The following RBFOX1 variants were observed in gnomAD, a reference collection of about 807,000 sequenced individuals.
RBFOX1 encodes the protein RNA binding fox-1 homolog 1, also known as RNA binding protein fox-1 homolog 1.
RBFOX1 carries 8 observed loss-of-function variants against 57.7 expected under a neutral mutation model. That is an observed-to-expected ratio of 0.14 (90% CI 0.08 to 0.25). The LOEUF is 0.25. RBFOX1 is among the 10% of genes least tolerant of loss of function. The probability of loss-of-function intolerance (pLI) is 1.00; values close to 1 mark genes in which losing one functional copy is unlikely to be tolerated. For missense variants in RBFOX1, 611 were observed against 548.5 expected (o/e 1.11, Z -1.14); for synonymous variants, 326 against 222.4 (o/e 1.47, Z -4.15).
intron 5 of RBFOX1, among the ~76,000 whole-genome samples, chr16:7,532,582 A>G (rs1466117033): frequency 6.6e-6 from 1 of 152,128 alleles, no homozygotes; most frequent in Non-Finnish European, 1.5e-5. Context: ...TGGGGCCCAG[A>G]GCCCCTTAGC....
chr16:6,587,848 C>T lies in RBFOX1; in HGVS notation c.-63-66755C>T, dbSNP rs114798670. On this transcript the variant is annotated intron_variant, in intron 2 of 15. Coordinates refer to ENST00000550418, the MANE Select transcript of RBFOX1 (RefSeq NM_018723.4). ...ACATTTACTTTCTCTTTCTACCCTC[C>T]GTCTTCCCATATATATTGGACAATT... is the stretch of plus-strand genomic sequence containing the variant. 4.0e-3 allele frequency among the ~76,000 whole-genome samples: 616 copies of T among 152,268 alleles called. 4 individuals carry two copies. The highest frequency in any genetic ancestry group is 0.014 in the African/African-American group (579 of 41,548).
intron 4 of RBFOX1, among the ~76,000 whole-genome samples, chr16:7,121,524 C>A (rs1009935106): frequency 6.6e-6 from 1 of 151,922 alleles, no homozygotes; most frequent in Non-Finnish European, 1.5e-5. Flanking sequence ...TATAAGAGAT[C>A]TTTATGCTGA....
chr16:7,599,877 T>C (rs1287547433), intron 9 of RBFOX1, among the ~76,000 whole-genome samples: 1 of 151,816 alleles, frequency 6.6e-6, no homozygotes, highest in Non-Finnish European at 1.5e-5. Flanking sequence ...GCTCAAGTGA[T>C]GTGCCTGTCT....
At chr16:7,110,171 G>A (rs1033949511) in intron 4 of RBFOX1, among the ~76,000 whole-genome samples, 9 of 136,732 alleles carry the variant, frequency 6.6e-5, no homozygotes, top group African/African-American at 1.9e-4. Context: ...GCAACATAGC[G>A]AGACCCCCCG....
intron 3 of RBFOX1, among the ~76,000 whole-genome samples, chr16:5,800,707 T>G (rs973402439): frequency 2.6e-5 from 4 of 152,108 alleles, no homozygotes; most frequent in African/African-American, 7.2e-5. Flanking sequence ...CTGCAGTCAT[T>G]ATTACAGAGA....
At chr16:6,976,883 A>G (rs548251874) in intron 3 of RBFOX1, among the ~76,000 whole-genome samples, 1 of 136,184 alleles carries the variant, frequency 7.3e-6, no homozygotes, top group African/African-American at 2.7e-5. Context: ...TCATATCCAT[A>G]TCACATATAT....
rs868102822 is a variant in RBFOX1 at position 6,290,650 on chromosome 16, A to G, written c.-126-26345A>G. Reference sequence around the variant, plus strand: ...TGAATTTAGCACACATGGGCGAAAAAGGAAATTTTACGTATCAGGTGTTCA... The same window carrying G: ...TGAATTTAGCACACATGGGCGAAAAGGGAAATTTTACGTATCAGGTGTTCA... On this transcript the variant is annotated intron_variant, in intron 1 of 15. Transcript: ENST00000550418. Among the ~76,000 whole-genome samples, 8 of 152,204 alleles carry G rather than the reference A, an allele frequency of 5.3e-5. No individual in the cohort carries two copies. The South Asian group carries it at 1.7e-3, about 31-fold the overall frequency.
chr16:6,001,140 AGCT>A (rs1327295682), intron 4 of RBFOX1, among the ~76,000 whole-genome samples: 1 of 152,158 alleles, frequency 6.6e-6, no homozygotes, highest in African/African-American at 2.4e-5. Flanking sequence ...ATTACTGGTA[AGCT>A]GTTGTGAGCT....
rs187626551 is a variant in RBFOX1, at chr16:5,240,952, C to T, written c.219+847C>T. On this transcript the variant is annotated intron_variant, in intron 1 of 2. Transcript: ENST00000585867. The stretch of plus-strand genomic sequence containing the variant: ...GGAGAGCTGTACCCCTCAGTGAGGG[C>T]CGCCACCTTGATGGTTTTTGATGGA... 3.9e-3 allele frequency among the ~76,000 whole-genome samples: 592 copies of T among 152,346 alleles called. 6 individuals carry two copies. The highest frequency in any genetic ancestry group is 0.013 in the African/African-American group (557 of 41,574).
chr16:7,501,308 GCT>G (rs1192185716), intron 4 of RBFOX1, among the ~76,000 whole-genome samples: 1 of 152,170 alleles, frequency 6.6e-6, no homozygotes, highest in East Asian at 1.9e-4. Flanking sequence ...TAAATTATCA[GCT>G]CTCTCTCTGT....
chr16:5,244,241 A>C (rs899139582), intron 1 of RBFOX1, among the ~76,000 whole-genome samples: 3 of 152,230 alleles, frequency 2.0e-5, no homozygotes, highest in Non-Finnish European at 4.4e-5. Flanking sequence ...TACTTGGGCA[A>C]TATCTTTACA....
At chr16:7,575,110 T>G (rs1314015179) in intron 5 of RBFOX1, among the ~76,000 whole-genome samples, 11 of 152,054 alleles carry the variant, frequency 7.2e-5, no homozygotes. Context: ...CACAAAATCC[T>G]CCTGGATTTA....
chr16:7,630,733 C>A, intron 11 of RBFOX1, 50 bp downstream of exon 11: 1 of 1,609,602 alleles, frequency 6.2e-7, no homozygotes, highest in African/African-American at 1.3e-5. Context: ...AATCTGAGTC[C>A]AATCACCTTC....
chr16:6,712,577 T>C (rs2154152980), intron 3 of RBFOX1, among the ~76,000 whole-genome samples: 1 of 152,280 alleles, frequency 6.6e-6, no homozygotes, highest in South Asian at 2.1e-4. Context: ...TTCAGTCCAA[T>C]GTCATCCATG....
intron 4 of RBFOX1, among the ~76,000 whole-genome samples, chr16:7,162,089 G>C (rs916193042): frequency 3.3e-5 from 5 of 152,214 alleles, no homozygotes; most frequent in Non-Finnish European, 5.9e-5. Flanking sequence ...TCACAAGGGA[G>C]TTGGTGTCTT....
At chr16:5,440,105 T>G (rs574534950) in intron 1 of RBFOX1, among the ~76,000 whole-genome samples, 1 of 152,318 alleles carries the variant, frequency 6.6e-6, no homozygotes, top group South Asian at 2.1e-4. Context: ...TCATGTTGGA[T>G]ATAAGGTTGA....
At chr16:7,603,444 G>A (rs1272734091) in intron 9 of RBFOX1, among the ~76,000 whole-genome samples, 1 of 152,118 alleles carries the variant, frequency 6.6e-6, no homozygotes, top group Non-Finnish European at 1.5e-5. Flanking sequence ...AAGAAAGAAA[G>A]AAGCTAAATC....
chr16:7,427,536 A>T (rs2098632879), intron 4 of RBFOX1, among the ~76,000 whole-genome samples: 1 of 152,164 alleles, frequency 6.6e-6, no homozygotes, highest in Admixed American at 6.5e-5. Context: ...AACTTCTGAG[A>T]CATTAGGCCA....
chr16:7,547,884 A>T (rs80029446), intron 5 of RBFOX1, among the ~76,000 whole-genome samples: 11,741 of 152,200 alleles, frequency 0.077, 636 homozygotes, highest in East Asian at 0.25. Flanking sequence ...TAGGAGACAA[A>T]ACAGAATGGA....
Sources: allele counts gnomAD v4.1 joint callset (sites outside exome capture counted in the v4.1 genomes callset), GRCh38; gene constraint gnomAD v4.1.1; transcripts MANE v1.5; gene names NCBI Gene and HGNC (gene_info 2026-07-23, HGNC 2026-07-21).